The following LCT variants were observed in gnomAD, a reference collection of about 807,000 sequenced individuals.
LCT encodes lactase/phlorizin hydrolase.
A neutral mutation model predicts 173.0 loss-of-function variants in LCT; 90 were observed. That is an observed-to-expected ratio of 0.52 (90% CI 0.44 to 0.62). LCT has a LOEUF of 0.62. Among genes scored for constraint, LCT ranks in the 20% least tolerant of loss-of-function variants. The pLI is 0.00. For synonymous variants in LCT, 853 were observed against 957.6 expected, an observed-to-expected ratio of 0.89 and a Z score of 2.02; for missense variants, 1,864 against 2,431.4, an observed-to-expected ratio of 0.77 and a Z score of 4.91.
intron 5 of LCT, among the ~76,000 whole-genome samples, chr2:135,818,443 A>G (rs1244690456): frequency 6.6e-6 from 1 of 152,258 alleles, no homozygotes. Flanking sequence ...TGGCCACTGT[A>G]ATAAGAATGG....
chr2:135,800,730 C>T lies in LCT; in HGVS notation c.4743G>A (p.Leu1581=). 2.5e-6 allele frequency: 4 copies of T among 1,614,136 alleles called. No homozygotes were observed. Among genetic ancestry groups the T allele is most frequent in the Non-Finnish European group, 3.4e-6 (4 of 1,180,022 alleles). ...GACTGGCGCGGTACACATCGTTGTA[C>T]AGATGCCAGGCCTCAGCATGAGCCT... The part of the protein sequence containing the change: ...LIKAHAEAWH[L]YNDVYRASQG... The change falls in exon 12 of 17, where the codon CTG becomes CTA. Residue 1581 remains leucine, a synonymous_variant. Transcript: ENST00000264162.
chr2:135,795,740 C>T (rs1461014190), intron 13 of LCT, among the ~76,000 whole-genome samples: 2 of 151,582 alleles, frequency 1.3e-5, no homozygotes, highest in African/African-American at 4.8e-5. Context: ...TGTTTTCTTT[C>T]TTCCTTTTTT....
chr2:135,827,264 A>G (rs2077896331), intron 3 of LCT, among the ~76,000 whole-genome samples: 1 of 152,092 alleles, frequency 6.6e-6, no homozygotes, highest in Admixed American at 6.6e-5. Flanking sequence ...CAGATGTGAG[A>G]CTTATTTTTC....
chr2:135,832,641 T>C (rs2077949659), intron 2 of LCT, among the ~76,000 whole-genome samples: 2 of 151,708 alleles, frequency 1.3e-5, no homozygotes, highest in Admixed American at 1.3e-4. Context: ...TGCATCACCA[T>C]GCCTTGCTAA....
rs147193061 is a variant in LCT, at chr2:135,829,114, C to T, written c.804+479G>A. On this transcript the variant is annotated intron_variant, in intron 3 of 16. Coordinates refer to ENST00000264162, the MANE Select transcript of LCT (RefSeq NM_002299.4). ...GCTGAGGCAGGAGAATCGCTTGAAC[C>T]CGGGAGGTGGAGGCTGCAGTGAGCC... Among the ~76,000 whole-genome samples the T allele has an allele frequency of 6.3e-4, 96 of 152,150 alleles. 1 individual carries two copies. In the East Asian group the frequency reaches 0.017, roughly 27 times the overall value.
intron 13 of LCT, among the ~76,000 whole-genome samples, chr2:135,795,185 C>T (rs1466085392): frequency 6.6e-6 from 1 of 150,430 alleles, no homozygotes; most frequent in African/African-American, 2.5e-5. Flanking sequence ...GACTCTTCCC[C>T]TATGTTTGTA....
At chr2:135,823,751 T>C (rs2077857597) in intron 4 of LCT, 150 bp downstream of exon 4, 5 of 704,336 alleles carry the variant, frequency 7.1e-6, no homozygotes, top group East Asian at 2.7e-5. Flanking sequence ...TAGGAAGGCA[T>C]AGTACACTAA....
At chr2:135,820,434 T>C (rs983193229) in intron 5 of LCT, 1 of 152,250 alleles carries the variant, frequency 6.6e-6, no homozygotes, top group African/African-American at 2.4e-5. Context: ...TGTCTGTCTA[T>C]TGCAAGTCTA....
intron 13 of LCT, among the ~76,000 whole-genome samples, chr2:135,795,045 G>GCGCACA (rs766023610): frequency 2.1e-3 from 312 of 149,924 alleles, no homozygotes; most frequent in African/African-American, 5.2e-3. Flanking sequence ...GCGCGCGCGC[G>GCGCACA]CACACACACA....
rs770585711 is a variant in LCT at position 135,808,657 on chromosome 2, C to T, written c.3690G>A (p.Gln1230=). 1 of 1,614,216 alleles carries T rather than the reference C, an allele frequency of 6.2e-7. No homozygotes were observed. Among genetic ancestry groups the T allele is most frequent in the Non-Finnish European group, 8.5e-7 (1 of 1,180,034 alleles). ...AAGGGTCCTCCTCCTCAGCCATCTC[C>T]TGGTCGTCTTCGTAGGAGGGTGGGT... The part of the protein sequence containing the change: ...RLNPPSYEDD[Q]EMAEEEDPSW... The change falls in exon 8 of 17, where the codon CAG becomes CAA. Residue 1230 remains glutamine, a synonymous_variant. Coordinates refer to ENST00000264162, the MANE Select transcript of LCT (RefSeq NM_002299.4).
intron 13 of LCT, among the ~76,000 whole-genome samples, chr2:135,795,604 C>CTAATAATTATAATAA (rs57023267): frequency 0.022 from 3,225 of 146,032 alleles, 77 homozygotes; most frequent in South Asian, 0.069. Context: ...TTCTCCAACT[C>CTAATAATTATAATAA]TAATAATAAT....
chr2:135,829,498 T>C, intron 3 of LCT, 95 bp downstream of exon 3: 4 of 934,072 alleles, frequency 4.3e-6, no homozygotes, highest in Non-Finnish European at 3.5e-6. Context: ...TTGATGGAAG[T>C]TCAGTTTATG....
In LCT at chr2:135,836,867, G is replaced by C; in HGVS notation, c.303C>G (p.Ser101Arg). The stretch of plus-strand genomic sequence containing the variant: ...CTGTTTTCTCGTCTGGATTCTGGGT[G>C]CTTCCTGCTGGGAGGAGCTGTGCCC... ...LSWAQLLPAG[S>R]TQNPDEKTVQ... Residue 101 changes from serine (S) to arginine (R), a missense_variant, in exon 1 of 17, where the codon AGC (serine) becomes AGG (arginine). By Grantham distance (110) the Ser-to-Arg change is moderately radical. Around this residue, in one of 4 missense-constraint regions of LCT, gnomAD observed 412 missense variants for 462.0 expected, o/e 0.89. Transcript: ENST00000264162. The C allele has an allele frequency of 6.2e-7, 1 of 1,614,202 alleles. No individual in the cohort carries two copies. Among genetic ancestry groups the C allele is most frequent in the Non-Finnish European group, 8.5e-7 (1 of 1,180,024 alleles).
rs745757258 is a variant in LCT at position 135,833,128 on chromosome 2, T to C, written c.703A>G (p.Ile235Val). The C allele has an allele frequency of 1.2e-6, 2 of 1,613,750 alleles. No individual in the cohort carries two copies. The highest frequency in any genetic ancestry group is 1.3e-5 in the African/African-American group (1 of 74,888). Residue 235 changes from isoleucine (I) to valine (V), a missense_variant, in exon 2 of 17, where the codon ATA (isoleucine) becomes GTA (valine). By Grantham distance (29) the Ile-to-Val change is conservative. This residue lies in a region of LCT where 412 missense variants were observed against 462.0 expected (regional missense o/e 0.89). Coordinates refer to ENST00000264162, the MANE Select transcript of LCT (RefSeq NM_002299.4). ...GCTGTCACCTGGGCAAGCGCAGATA[T>C]GGGTGGTTCTAGCAGGAGCTCCGGG... ...DIPELLLEPP[I>V]SALAQDTVDF... is the part of the protein sequence containing the mutation.
At chr2:135,797,429 G>T (rs909119643) in intron 13 of LCT, among the ~76,000 whole-genome samples, 3 of 152,178 alleles carry the variant, frequency 2.0e-5, no homozygotes, top group African/African-American at 7.2e-5. Flanking sequence ...CCACCTGCAT[G>T]ATTCTCAAGC....
chr2:135,795,033 A>G (rs1257949380), intron 13 of LCT, among the ~76,000 whole-genome samples: 2 of 148,536 alleles, frequency 1.3e-5, no homozygotes, highest in African/African-American at 2.5e-5. Flanking sequence ...ACACGCACCC[A>G]CGCGCGCGCG....
chr2:135,832,183 T>G (rs1028230212), intron 2 of LCT, among the ~76,000 whole-genome samples: 8 of 151,734 alleles, frequency 5.3e-5, no homozygotes, highest in Admixed American at 1.3e-4. Context: ...GCCACTGCAC[T>G]CCAGCCTGGG....
At chr2:135,822,135 G>A (rs1292945408) in intron 4 of LCT, 37 bp from the exon 5 acceptor site, 1 of 1,202,894 alleles carries the variant, frequency 8.3e-7, no homozygotes, top group East Asian at 2.3e-5. Flanking sequence ...CTATGTAAAT[G>A]CCAACTAAGA....
chr2:135,791,531 T>C (rs1464378998), intron 14 of LCT, among the ~76,000 whole-genome samples: 1 of 152,076 alleles, frequency 6.6e-6, no homozygotes, highest in Non-Finnish European at 1.5e-5. Context: ...ACCAAGAATT[T>C]AGACACTTCC....
Sources: allele counts gnomAD v4.1 joint callset (sites outside exome capture counted in the v4.1 genomes callset), GRCh38; gene constraint gnomAD v4.1.1; regional missense constraint gnomAD v4.1.1; transcripts MANE v1.5; gene names NCBI Gene and HGNC (gene_info 2026-07-23, HGNC 2026-07-21).